Variants in LAMA2 observed in about 807,000 individuals in gnomAD.
The protein encoded by LAMA2 is laminin subunit alpha-2.
Under a neutral mutation model 364.8 loss-of-function variants are expected in LAMA2, and 269 were observed. The ratio of observed to expected loss-of-function variants is 0.74; its 90% CI spans 0.67 to 0.82. The LOEUF is 0.82. LAMA2 is among the 40% of genes least tolerant of loss of function. The pLI is 0.00. For synonymous variants in LAMA2, 1,379 were observed against 1,370.6 expected (o/e 1.01, Z -0.14); for missense variants, 3,807 against 3,873.2 (o/e 0.98, Z 0.45).
intron 1 of LAMA2, among the ~76,000 whole-genome samples, chr6:128,963,120 T>C (rs1331368283): frequency 6.6e-6 from 1 of 152,154 alleles, no homozygotes; most frequent in African/African-American, 2.4e-5. Flanking sequence ...TCTTTCACTA[T>C]CTGGTGTATC....
chr6:129,508,078 T>C (rs1786251075), intron 62 of LAMA2, among the ~76,000 whole-genome samples: 1 of 152,192 alleles, frequency 6.6e-6, no homozygotes, highest in Non-Finnish European at 1.5e-5. Flanking sequence ...GTCTGTTTCT[T>C]GTTGATAGTG....
In LAMA2 at chr6:129,483,875, C is replaced by CTGT. The variant is rs1239172185; in HGVS notation, c.7749+2438_7749+2440dup. Among the ~76,000 whole-genome samples the CTGT allele has an allele frequency of 2.0e-5, 3 of 152,266 alleles. No homozygotes were observed. In the East Asian group the frequency reaches 5.8e-4, roughly 29 times the overall value. On this transcript the variant is annotated intron_variant, in intron 55 of 64. Transcript: ENST00000421865. The stretch of plus-strand genomic sequence containing the variant: ...TTCATTTAAAAAAGACAACAGTGAA[C>CTGT]TGTTCAGTGAATGATTTCAGGGCAA...
chr6:129,441,733 C>T (rs1782124327), intron 43 of LAMA2, among the ~76,000 whole-genome samples: 1 of 152,080 alleles, frequency 6.6e-6, no homozygotes, highest in Non-Finnish European at 1.5e-5. Flanking sequence ...AATCTTTGCA[C>T]TTTGGGAGCC....
chr6:129,156,438 A>AG (rs1454006556), intron 8 of LAMA2, among the ~76,000 whole-genome samples: 1 of 151,812 alleles, frequency 6.6e-6, no homozygotes, highest in Non-Finnish European at 1.5e-5. Flanking sequence ...TGTAAAAAAA[A>AG]TTTTTAAATA....
At position 129,477,352 on chromosome 6, in the gene LAMA2, G is replaced by GTT. The variant is rs1262561970; in HGVS notation, c.7452-1340_7452-1339dup. On this transcript the variant is annotated intron_variant, in intron 53 of 64. Coordinates refer to ENST00000421865, the MANE Select transcript of LAMA2 (RefSeq NM_000426.4). ...ACAGGAAGTTCTGTGGAATAGCACT[G>GTT]TTATAATTAAAGAAGTATCATCATC... 5.3e-5 allele frequency among the ~76,000 whole-genome samples: 8 copies of GTT among 152,334 alleles called. No homozygotes were observed. In the East Asian group the frequency reaches 1.5e-3, roughly 29 times the overall value.
intron 12 of LAMA2, among the ~76,000 whole-genome samples, chr6:129,236,350 A>G (rs1432038656): frequency 6.6e-6 from 1 of 152,152 alleles, no homozygotes; most frequent in African/African-American, 2.4e-5. Flanking sequence ...CTTAAGAAAC[A>G]AGTATTTTTA....
rs1440974827 is a variant in LAMA2, at chr6:129,260,841, A to G, written c.2208+19A>G. 7.1e-6 allele frequency: 10 copies of G among 1,404,004 alleles called. No individual in the cohort carries two copies. The highest frequency in any genetic ancestry group is 1.0e-5 in the Non-Finnish European group (10 of 988,566). The allele number at this position is 1,404,004 out of a possible 1,614,324, so 87.0% of individuals were successfully genotyped here. A position where few individuals can be genotyped will look rare whatever the true frequency, so the allele number is the denominator to read the frequency against. On this transcript the variant is annotated intron_variant, in intron 15 of 64. Coordinates refer to ENST00000421865, the MANE Select transcript of LAMA2 (RefSeq NM_000426.4). ...TTGTGAAGTAAGCTTGCAAGAATGT[A>G]TCCTTAGTGCTTTCAAAGTTCCCTC... is the stretch of plus-strand genomic sequence containing the variant.
intron 12 of LAMA2, among the ~76,000 whole-genome samples, chr6:129,249,372 A>G (rs1452127047): frequency 6.6e-6 from 1 of 152,114 alleles, no homozygotes; most frequent in Non-Finnish European, 1.5e-5. Context: ...CCTATAAATG[A>G]TCTTGCTTTC....
chr6:129,288,948 C>T (rs1004964370), intron 19 of LAMA2, among the ~76,000 whole-genome samples: 3 of 152,064 alleles, frequency 2.0e-5, no homozygotes, highest in African/African-American at 7.2e-5. Context: ...TCAGGTGGGT[C>T]CCAGGACATG....
At chr6:129,369,754 C>A (rs1777966004) in intron 33 of LAMA2, 138 bp from the exon 34 acceptor site, 1 of 738,378 alleles carries the variant, frequency 1.4e-6, no homozygotes, top group South Asian at 1.5e-5. Flanking sequence ...GTGTAAGTGC[C>A]CAGTTGAAAT....
At position 129,516,473 on chromosome 6, in the gene LAMA2, T is replaced by G. The variant is rs1243604664; in HGVS notation, c.*126T>G. 2 of 948,242 alleles carry G rather than the reference T, an allele frequency of 2.1e-6. No individual in the cohort carries two copies. The highest frequency in any genetic ancestry group is 3.3e-6 in the Non-Finnish European group (2 of 604,166). The allele number at this position is 948,242 out of a possible 1,614,324, so 58.7% of individuals were successfully genotyped here. A position where few individuals can be genotyped will look rare whatever the true frequency, so the allele number is the denominator to read the frequency against. ...GCATGTACATAGAATTCTTTCTGTA[T>G]TCAGATGGTGCTAATTCAGACTCCA... On this transcript the variant is annotated 3_prime_UTR_variant, in exon 65 of 65. Coordinates refer to ENST00000421865, the MANE Select transcript of LAMA2 (RefSeq NM_000426.4).
chr6:129,064,376 A>C (rs1562205107), intron 3 of LAMA2, among the ~76,000 whole-genome samples: 1 of 151,414 alleles, frequency 6.6e-6, no homozygotes, highest in Non-Finnish European at 1.5e-5. Context: ...AAAAAAAAAA[A>C]AATGAAGAAA....
chr6:129,400,777 T>A (rs994092716), intron 37 of LAMA2, among the ~76,000 whole-genome samples: 22 of 152,192 alleles, frequency 1.4e-4, no homozygotes, highest in African/African-American at 5.1e-4. Flanking sequence ...TCCCTAAGTT[T>A]CCTTAAAAAT....
chr6:129,300,629 G>C, intron 21 of LAMA2, 107 bp from the exon 22 acceptor site: 1 of 1,125,386 alleles, frequency 8.9e-7, no homozygotes, highest in South Asian at 1.3e-5. Context: ...CTTAAGTGTA[G>C]AACTGAAAAG....
rs764024605 is a variant in LAMA2 at position 129,313,092 on chromosome 6, T to A, written c.3406T>A (p.Cys1136Ser). 1 of 1,589,562 alleles carries A rather than the reference T, an allele frequency of 6.3e-7. No individual in the cohort carries two copies. The highest frequency in any genetic ancestry group is 1.7e-5 in the Admixed American group (1 of 59,616). ...SCSDQTGQCT[C>S]KVNVEGIHCD... ...TAGTGATCAAACTGGGCAGTGCACTTGTAAGGTATGTGCTGCTGACATGCA... is the reference window on the plus strand; with the variant it reads ...TAGTGATCAAACTGGGCAGTGCACTAGTAAGGTATGTGCTGCTGACATGCA... The change falls in exon 23 of 65, where the codon TGT becomes AGT. Residue 1136 changes from cysteine (C) to serine (S), a missense_variant. Physicochemically the swap from Cys to Ser is moderately radical, Grantham distance 112. Transcript: ENST00000421865.
At chr6:129,425,414 C>A in intron 40 of LAMA2, among the ~76,000 whole-genome samples, 1 of 151,640 alleles carries the variant, frequency 6.6e-6, no homozygotes, top group East Asian at 1.9e-4. Flanking sequence ...TTTTTAAATT[C>A]TTTTTACTTT....
intron 1 of LAMA2, among the ~76,000 whole-genome samples, chr6:128,946,125 T>C (rs1011416374): frequency 1.3e-5 from 2 of 149,598 alleles, no homozygotes; most frequent in Non-Finnish European, 3.0e-5. Context: ...GCAGCCTCTC[T>C]AGGTCGACAG....
At chr6:129,005,808 T>C (rs956182037) in intron 1 of LAMA2, among the ~76,000 whole-genome samples, 1 of 151,170 alleles carries the variant, frequency 6.6e-6, no homozygotes, top group African/African-American at 2.4e-5. Flanking sequence ...TTTATATATA[T>C]GGATTATATC....
Position 129,321,463 on chromosome 6 carries a change from C to T in LAMA2, c.4176+808C>T, listed in dbSNP as rs139583798. 2.6e-4 allele frequency among the ~76,000 whole-genome samples: 40 copies of T among 152,304 alleles called. No individual in the cohort carries two copies. In the East Asian group the frequency reaches 6.8e-3, roughly 26 times the overall value. On this transcript the variant is annotated intron_variant, in intron 28 of 64. Coordinates refer to ENST00000421865, the MANE Select transcript of LAMA2 (RefSeq NM_000426.4). ...TCACCTCTCCCGCAGACCCCACAGT[C>T]TGAAGCCTGGCATGCATGGGGCCTC...
Sources: allele counts gnomAD v4.1 joint callset (sites outside exome capture counted in the v4.1 genomes callset), GRCh38; gene constraint gnomAD v4.1.1; transcripts MANE v1.5; gene names NCBI Gene and HGNC (gene_info 2026-07-23, HGNC 2026-07-21).